Variants in IPO11 observed in about 807,000 individuals in gnomAD.
IPO11 encodes importin 11.
IPO11 carries 66 observed loss-of-function variants against 143.2 expected under a neutral mutation model. The observed-to-expected ratio is 0.46, with a 90% CI of 0.38 to 0.57. The LOEUF is 0.57. Ranked by LOEUF, IPO11 falls within the 20% of genes least tolerant of loss-of-function variation. IPO11 has a pLI of 0.00. For synonymous variants in IPO11, 385 were observed against 377.8 expected, an observed-to-expected ratio of 1.02 and a Z score of -0.22; for missense variants, 1,026 against 1,141.0, an observed-to-expected ratio of 0.90 and a Z score of 1.45.
At chr5:62,583,595 C>T (rs1744647571) in intron 27 of IPO11, among the ~76,000 whole-genome samples, 1 of 151,956 alleles carries the variant, frequency 6.6e-6, no homozygotes, top group African/African-American at 2.4e-5. Flanking sequence ...CAGCTATTTC[C>T]TTTTAAAAAA....
intron 24 of IPO11, among the ~76,000 whole-genome samples, chr5:62,544,284 C>T (rs879551802): frequency 5.9e-5 from 9 of 152,092 alleles, no homozygotes; most frequent in Non-Finnish European, 8.8e-5. Flanking sequence ...CCCCGAGATT[C>T]AAGGCTGGTT....
chr5:62,628,309 C>G lies in IPO11; in HGVS notation c.*991C>G, dbSNP rs1369656066. ...CTTCCTTCCTTATTCCTCGAACATG[C>G]AGTACATAAAAAGGGGAAAAGGAGA... On this transcript the variant is annotated 3_prime_UTR_variant, in exon 30 of 30. Transcript: ENST00000325324. 1.3e-5 allele frequency: 2 copies of G among 152,044 alleles called. No individual in the cohort carries two copies. The highest frequency in any genetic ancestry group is 4.9e-5 in the African/African-American group (2 of 41,232). The allele number at this position is 152,044 out of a possible 1,614,324, so 9.4% of individuals were successfully genotyped here. A position where few individuals can be genotyped will look rare whatever the true frequency, so the allele number is the denominator to read the frequency against.
intron 29 of IPO11, among the ~76,000 whole-genome samples, chr5:62,618,388 G>A (rs1296332048): frequency 6.6e-6 from 1 of 151,796 alleles, no homozygotes; most frequent in Non-Finnish European, 1.5e-5. Context: ...CTTATGTCAA[G>A]ATGTGAAAAA....
rs570378208 is a variant in IPO11 at position 62,420,129 on chromosome 5, A to G, written c.-7+7200A>G. 1.7e-4 allele frequency among the ~76,000 whole-genome samples: 26 copies of G among 151,856 alleles called. No homozygotes were observed. In the East Asian group the frequency reaches 5.1e-3, roughly 30 times the overall value. ...CATGGTGATACCCTGTTTCTACTAA[A>G]AAAATACAAAAATTAGCCAGGCGTG... On this transcript the variant is annotated intron_variant, in intron 1 of 29. Coordinates refer to ENST00000325324, the MANE Select transcript of IPO11 (RefSeq NM_016338.5).
At chr5:62,610,343 A>T (rs1389703709) in intron 29 of IPO11, among the ~76,000 whole-genome samples, 2 of 152,160 alleles carry the variant, frequency 1.3e-5, no homozygotes, top group Non-Finnish European at 2.9e-5. Flanking sequence ...TAGATAGATA[A>T]TAGGAAAAAG....
At chr5:62,440,951 G>A (rs1409641402) in intron 2 of IPO11, among the ~76,000 whole-genome samples, 3 of 151,414 alleles carry the variant, frequency 2.0e-5, no homozygotes, top group African/African-American at 7.3e-5. Context: ...CAACGGGAGT[G>A]AGACTCCATC....
chr5:62,482,003 C>T (rs572279684), intron 9 of IPO11, among the ~76,000 whole-genome samples: 1 of 152,194 alleles, frequency 6.6e-6, no homozygotes, highest in Non-Finnish European at 1.5e-5. Context: ...CAGCTTCTAA[C>T]TGGTTTAGTC....
In IPO11 at chr5:62,435,214, A is replaced by ATATATATGTATATATACGTATATATATG. The variant is rs1554047245; in HGVS notation, c.-6-2053_-6-2052insGTATATATACGTATATATATGTATATAT. ...TGTATATATATGTATATATATGTGT[A>ATATATATGTATATATACGTATATATATG]TATATATATATATCAGAGCAGCTGT... On this transcript the variant is annotated intron_variant, in intron 1 of 29. Transcript: ENST00000325324. Among the ~76,000 whole-genome samples, 168 of 121,996 alleles carry ATATATATGTATATATACGTATATATATG rather than the reference A, an allele frequency of 1.4e-3. 1 individual carries two copies. The highest frequency in any genetic ancestry group is 0.011 in the Middle Eastern group (3 of 264). The allele number at this position is 121,996 out of a possible 152,430, so 80.0% of individuals were successfully genotyped here. A position where few individuals can be genotyped will look rare whatever the true frequency, so the allele number is the denominator to read the frequency against.
rs1433599433 is a variant in IPO11 at position 62,626,665 on chromosome 5, T to C, written c.2764-489T>C. 2.3e-4 allele frequency among the ~76,000 whole-genome samples: 32 copies of C among 138,452 alleles called. No individual in the cohort carries two copies. The South Asian group carries it at 2.5e-3, about 11-fold the overall frequency. 90.8% of individuals were successfully genotyped at this position (138,452 alleles called of 152,430 possible). A position where few individuals can be genotyped will look rare whatever the true frequency, so the allele number is the denominator to read the frequency against. On this transcript the variant is annotated intron_variant, in intron 29 of 29. Transcript: ENST00000325324. ...ATCCCAGTGGGAGACGAGGAGTCCCTTTTTTTTTTTTTTCAGCCAGAAGCA... is the reference window on the plus strand; with the variant it reads ...ATCCCAGTGGGAGACGAGGAGTCCCCTTTTTTTTTTTTTCAGCCAGAAGCA...
intron 27 of IPO11, among the ~76,000 whole-genome samples, chr5:62,561,522 A>AT (rs1454812646): frequency 1.3e-5 from 2 of 151,910 alleles, no homozygotes; most frequent in Admixed American, 1.3e-4. Flanking sequence ...CTGAATTTCC[A>AT]TTTTTTATAA....
chr5:62,537,397 T>C, intron 24 of IPO11, 108 bp downstream of exon 24: 2 of 713,822 alleles, frequency 2.8e-6, no homozygotes, highest in South Asian at 3.9e-5. Flanking sequence ...TTGATATAGT[T>C]CTAGACAGGC....
intron 20 of IPO11, among the ~76,000 whole-genome samples, chr5:62,515,798 G>A (rs931805348): frequency 8.6e-5 from 13 of 151,960 alleles, no homozygotes; most frequent in South Asian, 4.2e-4. Flanking sequence ...CTTGGTGGTC[G>A]GGGCTTTTCT....
chr5:62,532,355 G>A (rs978143112), intron 22 of IPO11, among the ~76,000 whole-genome samples: 7 of 151,790 alleles, frequency 4.6e-5, no homozygotes, highest in African/African-American at 1.5e-4. Context: ...TGGTTCGTTT[G>A]TTTGTTTGTT....
At chr5:62,513,709 G>T (rs1395869377) in intron 19 of IPO11, among the ~76,000 whole-genome samples, 1 of 149,360 alleles carries the variant, frequency 6.7e-6, no homozygotes, top group Admixed American at 6.6e-5. Context: ...ACCCCCGGAC[G>T]GGGCGGCTGG....
chr5:62,615,879 A>G (rs927030126), intron 29 of IPO11, among the ~76,000 whole-genome samples: 1 of 152,100 alleles, frequency 6.6e-6, no homozygotes, highest in Non-Finnish European at 1.5e-5. Context: ...ATTTTAGAAA[A>G]CTGGCCTGTT....
At chr5:62,460,248 T>C (rs1745307761) in intron 5 of IPO11, among the ~76,000 whole-genome samples, 1 of 133,904 alleles carries the variant, frequency 7.5e-6, no homozygotes, top group South Asian at 2.6e-4. Flanking sequence ...GAAAAATGAA[T>C]AAGGTGCATT....
At chr5:62,475,766 A>G (rs970253001) in intron 8 of IPO11, among the ~76,000 whole-genome samples, 13 of 152,190 alleles carry the variant, frequency 8.5e-5, no homozygotes, top group African/African-American at 2.9e-4. Flanking sequence ...GCTTATCTTT[A>G]GCATCCTTTG....
chr5:62,580,659 T>G (rs1744515458), intron 27 of IPO11: 2 of 1,551,508 alleles, frequency 1.3e-6, no homozygotes, highest in Non-Finnish European at 1.7e-6. Flanking sequence ...GTGTTACATC[T>G]TCAATAAATG....
intron 20 of IPO11, among the ~76,000 whole-genome samples, chr5:62,525,218 A>G (rs530754460): frequency 9.2e-5 from 14 of 152,178 alleles, no homozygotes; most frequent in Non-Finnish European, 1.6e-4. Context: ...GCTTCCAGAA[A>G]CATTTTTGTG....
Sources: gnomAD v4.1 joint callset for allele counts (sites outside exome capture counted in the v4.1 genomes callset) on GRCh38, gnomAD v4.1.1 for gene constraint, MANE v1.5 for transcripts, NCBI Gene and HGNC (gene_info 2026-07-23, HGNC 2026-07-21) for gene names.